Variants in ABCD4 observed in about 807,000 individuals in gnomAD.
ABCD4 encodes ATP binding cassette subfamily D member 4.
In ABCD4, 53 loss-of-function variants were observed where a neutral mutation model predicts 86.3. That is an observed-to-expected ratio of 0.61 (90% confidence interval 0.49 to 0.77). The LOEUF is 0.77. Ranked by LOEUF, ABCD4 falls within the 30% of genes least tolerant of loss-of-function variation. The probability of loss-of-function intolerance (pLI) is 0.00; values close to 1 mark genes in which losing one functional copy is unlikely to be tolerated. For missense variants in ABCD4, 757 were observed against 764.5 expected (o/e 0.99, Z 0.12); for synonymous variants, 328 against 313.6 (o/e 1.05, Z -0.49).
chr14:74,286,759 A>G lies in ABCD4; in HGVS notation c.1694T>C (p.Ile565Thr). Residue 565 changes from isoleucine (I) to threonine (T), a missense_variant, in exon 18 of 19, where the codon ATC becomes ACC. Physicochemically the swap from Ile to Thr is moderately conservative, Grantham distance 89. Transcript: ENST00000356924. Reference protein sequence around the residue: ...TEEVESELYRIGQQLGMTFIS... With the variant: ...TEEVESELYRTGQQLGMTFIS... ...GAACGTCATCCCCAGCTGCTGGCCG[A>G]TGCGATAGAGCTCGCTCTCCACTTC... 6.2e-7 allele frequency: 1 copy of G among 1,614,098 alleles called. No individual in the cohort carries two copies. Among genetic ancestry groups the G allele is most frequent in the Non-Finnish European group, 8.5e-7 (1 of 1,180,034 alleles).
intron 17 of ABCD4, among the ~76,000 whole-genome samples, chr14:74,287,500 G>A (rs1229613344): frequency 6.8e-6 from 1 of 146,926 alleles, no homozygotes; most frequent in East Asian, 2.0e-4. Flanking sequence ...GCTGCACTGA[G>A]CCATGACTGT....
chr14:74,285,954 A>G lies in ABCD4; in HGVS notation c.*507T>C, dbSNP rs2079655711. ...AAATACAAATCTGGAGATTCAATAA[A>G]AAAGATCATTCCATGATAGAGAAGA... On this transcript the variant is annotated 3_prime_UTR_variant, in exon 19 of 19. Transcript: ENST00000356924. 1 of 152,654 alleles carries G rather than the reference A, an allele frequency of 6.6e-6. No individual in the cohort carries two copies. The allele number at this position is 152,654 out of a possible 1,614,324, so 9.5% of individuals were successfully genotyped here.
At position 74,292,208 on chromosome 14, in the gene ABCD4, G is replaced by A. The variant is rs115255252; in HGVS notation, c.1118+79C>T. 3,530 of 1,355,728 alleles carry A rather than the reference G, an allele frequency of 2.6e-3. 65 individuals carry two copies. In the African/African-American group the frequency reaches 0.042, roughly 16 times the overall value. The allele number at this position is 1,355,728 out of a possible 1,614,324, so 84.0% of individuals were successfully genotyped here. ...AACTCTGCTGCCCAGCTGGGAAAGG[G>A]CAGGACTCCAGGGTAACCCAAGCCA... On this transcript the variant is annotated intron_variant, in intron 11 of 18. Coordinates refer to ENST00000356924, the MANE Select transcript of ABCD4 (RefSeq NM_005050.4).
rs1419724303 is a variant in ABCD4 at position 74,290,421 on chromosome 14, A to G, written c.1197T>C (p.Ser399=). Residue 399 remains serine (S), a synonymous_variant, in exon 12 of 19, where the codon TCT becomes TCC. Transcript: ENST00000356924. ...TCAGATCCTTGATTAGGGGTTTGTCAGAGGAGGGGGCAGAGATGGAGACCC... is the reference window on the plus strand; with the variant it reads ...TCAGATCCTTGATTAGGGGTTTGTCGGAGGAGGGGGCAGAGATGGAGACCC... ...LERVSISAPS[S]DKPLIKDLSL... The G allele has an allele frequency of 6.2e-7, 1 of 1,614,056 alleles. No individual in the cohort carries two copies. Among genetic ancestry groups the G allele is most frequent in the Admixed American group, 1.7e-5 (1 of 60,002 alleles).
rs1355936993 is a variant in ABCD4 at position 74,299,663 on chromosome 14, A to G, written c.170T>C (p.Ile57Thr). ...ACTGGGGATCAAGCCAACCTGGTAGATCACAAATTGCTCTGAAAGGAGGGA... is the reference window on the plus strand; with the variant it reads ...ACTGGGGATCAAGCCAACCTGGTAGGTCACAAATTGCTCTGAAAGGAGGGA... ...LCLTLLEQFV[I>T]YQVGLIPSQY... The change falls in exon 3 of 19, where the codon ATC becomes ACC. Residue 57 changes from isoleucine to threonine, a missense_variant. Physicochemically the swap from Ile to Thr is moderately conservative, Grantham distance 89. Coordinates refer to ENST00000356924, the MANE Select transcript of ABCD4 (RefSeq NM_005050.4). 6.2e-7 allele frequency: 1 copy of G among 1,612,972 alleles called. No individual in the cohort carries two copies. The highest frequency in any genetic ancestry group is 1.1e-5 in the South Asian group (1 of 90,904).
intron 17 of ABCD4, among the ~76,000 whole-genome samples, chr14:74,287,312 G>A (rs1187721936): frequency 6.6e-6 from 1 of 152,174 alleles, no homozygotes; most frequent in East Asian, 1.9e-4. Flanking sequence ...ACTTTGGGAG[G>A]CCAACGTGGG....
Position 74,293,229 on chromosome 14 carries a change from T to A in ABCD4, c.739A>T (p.Met247Leu), listed in dbSNP as rs377396654. Residue 247 changes from methionine (M) to leucine (L), a missense_variant, in exon 8 of 19, where the codon ATG becomes TTG. Physicochemically the swap from Met to Leu is conservative, Grantham distance 15 (BLOSUM62 2). Transcript: ENST00000356924. ...AFYRAGHVEHMRTDRRLQRLL... is the reference protein window; with the variant it reads ...AFYRAGHVEHLRTDRRLQRLL... The stretch of plus-strand genomic sequence containing the variant: ...CTCTGCAGCCTGCGGTCTGTCCTCA[T>A]GTGCTCCACATGCCCAGCTCTGACA... 1.9e-6 allele frequency: 3 copies of A among 1,614,158 alleles called. No homozygotes were observed. The highest frequency in any genetic ancestry group is 1.3e-5 in the African/African-American group (1 of 75,042).
chr14:74,297,857 C>T, intron 4 of ABCD4, 73 bp downstream of exon 4: 3 of 1,518,726 alleles, frequency 2.0e-6, no homozygotes, highest in South Asian at 2.7e-5. Flanking sequence ...TGTCTGCCAC[C>T]AGCAGTCTCC....
intron 1 of ABCD4, among the ~76,000 whole-genome samples, chr14:74,301,309 G>A (rs539062846): frequency 2.6e-5 from 4 of 151,984 alleles, no homozygotes; most frequent in South Asian, 4.2e-4. Flanking sequence ...ACGGGCGTGC[G>A]TCAACACGCT....
Position 74,290,683 on chromosome 14 carries a change from C to CTT in ABCD4, c.1119-186_1119-185dup, listed in dbSNP as rs35144250. Among the ~76,000 whole-genome samples the CTT allele has an allele frequency of 0.077, 7,951 of 103,890 alleles. 1,060 individuals are homozygous for CTT. The highest frequency in any genetic ancestry group is 0.25 in the African/African-American group (6,443 of 25,396). The allele number at this position is 103,890 out of a possible 152,430, so 68.2% of individuals were successfully genotyped here. A position where few individuals can be genotyped will look rare whatever the true frequency, so the allele number is the denominator to read the frequency against. On this transcript the variant is annotated intron_variant, in intron 11 of 18. Transcript: ENST00000356924. ...ATGTAACTGCATTCGGAGGCAGGGT[C>CTT]TTTTTTTTTTTTTTTTTTTTTGAGA...
chr14:74,297,707 A>G, intron 4 of ABCD4: 1 of 1,248,254 alleles, frequency 8.0e-7, no homozygotes. Context: ...CTACAGGTGC[A>G]TGCCACTGCA....
chr14:74,299,194 C>T, intron 3 of ABCD4: 1 of 217,918 alleles, frequency 4.6e-6, no homozygotes, highest in Non-Finnish European at 9.2e-6. Flanking sequence ...GAGTCACAGC[C>T]TCGGTCCCGC....
rs140315980 is a variant in ABCD4, at chr14:74,301,648, T to C, written c.38+1227A>G. Among the ~76,000 whole-genome samples the C allele has an allele frequency of 1.2e-3, 178 of 152,074 alleles. 1 individual carries two copies. The highest frequency in any genetic ancestry group is 4.1e-3 in the African/African-American group (171 of 41,488). On this transcript the variant is annotated intron_variant, in intron 1 of 18. Coordinates refer to ENST00000356924, the MANE Select transcript of ABCD4 (RefSeq NM_005050.4). The stretch of plus-strand genomic sequence containing the variant: ...CCTTTATGCACTGCCCGTCGGGAAG[T>C]GTAATCCCTGCACTTCGGGAGGCCG...
At chr14:74,289,687 G>A in intron 13 of ABCD4, 168 bp from the exon 14 acceptor site, 2 of 1,451,768 alleles carry the variant, frequency 1.4e-6, no homozygotes, top group South Asian at 3.0e-5. Flanking sequence ...GCAGGGCAAG[G>A]TCCCTACAAC....
Position 74,289,451 on chromosome 14 carries a change from G to A in ABCD4, c.1456+32C>T, listed in dbSNP as rs1401146124. ...AGAGCAGGGACAACCATGACAGAAG[G>A]AGAGGACATGACCTAAGGAGGACCA... On this transcript the variant is annotated intron_variant, in intron 14 of 18. Transcript: ENST00000356924. 3.7e-6 allele frequency: 6 copies of A among 1,613,416 alleles called. No individual in the cohort carries two copies. In the African/African-American group the frequency reaches 6.7e-5, roughly 18 times the overall value.
chr14:74,289,250 A>C, intron 14 of ABCD4: 2 of 1,354,790 alleles, frequency 1.5e-6, no homozygotes, highest in Non-Finnish European at 1.9e-6. Flanking sequence ...TGGGTGAAGG[A>C]AGGCATCACT....
intron 7 of ABCD4, 79 bp downstream of exon 7, chr14:74,295,069 G>T: frequency 6.5e-7 from 1 of 1,546,356 alleles, no homozygotes; most frequent in Non-Finnish European, 8.9e-7. Flanking sequence ...CGGTGGTGGT[G>T]GGAGGGTTGA....
rs2084030294 is a variant in ABCD4, at chr14:74,300,177, G to C, written c.130C>G (p.Leu44Val). 2 of 1,613,414 alleles carry C rather than the reference G, an allele frequency of 1.2e-6. No homozygotes were observed. The highest frequency in any genetic ancestry group is 1.7e-6 in the Non-Finnish European group (2 of 1,179,742). ...AGTAGGGTCAGGCACAAAAGGGTCAGGAACATCAAGGCATTTTGTGATGAC... is the reference window on the plus strand; with the variant it reads ...AGTAGGGTCAGGCACAAAAGGGTCACGAACATCAAGGCATTTTGTGATGAC... ...SWSSQNALMF[L>V]TLLCLTLLEQ... Residue 44 changes from leucine to valine, a missense_variant, in exon 2 of 19, where the codon CTG becomes GTG. Physicochemically the swap from Leu to Val is conservative, Grantham distance 32 (BLOSUM62 1). Transcript: ENST00000356924.
intron 15 of ABCD4, 49 bp from the exon 16 acceptor site, chr14:74,288,308 T>C: frequency 6.4e-7 from 1 of 1,564,178 alleles, no homozygotes; most frequent in Non-Finnish European, 8.7e-7. Flanking sequence ...CCAGCCCTGC[T>C]ACCTGCCATC....
Sources: gnomAD v4.1 joint callset for allele counts (sites outside exome capture counted in the v4.1 genomes callset) on GRCh38, gnomAD v4.1.1 for gene constraint, MANE v1.5 for transcripts, NCBI Gene and HGNC (gene_info 2026-07-23, HGNC 2026-07-21) for gene names.